Variants in CTSB observed in about 807,000 individuals in gnomAD.
The protein encoded by CTSB is APP secretase.
In CTSB, 57 loss-of-function variants were observed where a neutral mutation model predicts 44.3. That is an observed-to-expected ratio of 1.29 (90% CI 1.04 to 1.60). The LOEUF is 1.60. Among genes scored for constraint, CTSB ranks in the 40% most tolerant of loss-of-function variants. The probability of loss-of-function intolerance (pLI) is 0.00; values close to 1 mark genes in which losing one functional copy is unlikely to be tolerated. For synonymous variants in CTSB, 320 were observed against 168.0 expected, an observed-to-expected ratio of 1.91 and a Z score of -7.00; for missense variants, 768 against 443.0, an observed-to-expected ratio of 1.73 and a Z score of -6.59.
intron 1 of CTSB, among the ~76,000 whole-genome samples, chr8:11,860,653 CA>C (rs367639577): frequency 6.6e-6 from 1 of 152,042 alleles, no homozygotes; most frequent in Non-Finnish European, 1.5e-5. Context: ...AAAACAAAAA[CA>C]AAAGTCAAGT....
At chr8:11,859,783 A>AAG (rs1816106020) in intron 1 of CTSB, among the ~76,000 whole-genome samples, 1 of 148,044 alleles carries the variant, frequency 6.8e-6, no homozygotes, top group Admixed American at 6.8e-5. Flanking sequence ...AAAAAAAAAA[A>AAG]AAAAAAAAAG....
At chr8:11,865,166 C>T (rs959766965) in intron 1 of CTSB, among the ~76,000 whole-genome samples, 3 of 152,300 alleles carry the variant, frequency 2.0e-5, no homozygotes, top group Admixed American at 2.0e-4. Context: ...CAACCATCTC[C>T]CTTTACATGG....
At chr8:11,850,485 T>G (rs1381092369) in intron 4 of CTSB, 2 of 158,260 alleles carry the variant, frequency 1.3e-5, no homozygotes, top group African/African-American at 4.8e-5. Flanking sequence ...ATTATTACAT[T>G]TCTGTTACGT....
chr8:11,860,846 G>C (rs905682392), intron 1 of CTSB, among the ~76,000 whole-genome samples: 3 of 152,178 alleles, frequency 2.0e-5, no homozygotes, highest in African/African-American at 7.2e-5. Context: ...AATAACGGCA[G>C]TTGCTCCTGA....
intron 4 of CTSB, 84 bp downstream of exon 4, chr8:11,850,782 G>A: frequency 3.3e-6 from 3 of 922,080 alleles, no homozygotes; most frequent in Non-Finnish European, 5.0e-6. Context: ...TGTCAGAGTT[G>A]TCCCCACCCC....
chr8:11,857,620 C>T (rs531883139), intron 1 of CTSB, among the ~76,000 whole-genome samples: 174 of 152,294 alleles, frequency 1.1e-3, no homozygotes, highest in African/African-American at 4.0e-3. Context: ...TGGCTCTCAA[C>T]TCCTGGAGGA....
chr8:11,852,792 A>G (rs1293291), intron 2 of CTSB, 97 bp from the exon 3 acceptor site: 707,283 of 1,102,788 alleles, frequency 0.64, 229,617 homozygotes, highest in Middle Eastern at 0.69. Context: ...AAAACCAGAG[A>G]CCCTACCCAA....
In CTSB at chr8:11,845,934, G is replaced by A. The variant is rs1209048291; in HGVS notation, c.794-145C>T. 3 of 907,344 alleles carry A rather than the reference G, an allele frequency of 3.3e-6. No individual in the cohort carries two copies. In the South Asian group the frequency reaches 6.7e-5, roughly 20 times the overall value. The allele number at this position is 907,344 out of a possible 1,614,324, so 56.2% of individuals were successfully genotyped here. ...TGCTCCACCAGGAGGCTCCAGGGGG[G>A]GTCCCACAATACTGGGGAATTAAAT... On this transcript the variant is annotated intron_variant, in intron 8 of 9. Coordinates refer to ENST00000353047, the MANE Select transcript of CTSB (RefSeq NM_001908.5).
chr8:11,852,499 G>A (rs190533078), intron 3 of CTSB, 111 bp downstream of exon 3: 2 of 685,598 alleles, frequency 2.9e-6, no homozygotes, highest in Non-Finnish European at 4.9e-6. Context: ...GGCAGCCCTG[G>A]GCAGCATGAG....
In CTSB at chr8:11,852,641, T is replaced by A. The variant is rs770921694; in HGVS notation, c.181A>T (p.Thr61Ser). 1 of 1,613,840 alleles carries A rather than the reference T, an allele frequency of 6.2e-7. No homozygotes were observed. Among genetic ancestry groups the A allele is most frequent in the Non-Finnish European group, 8.5e-7 (1 of 1,180,004 alleles). Residue 61 changes from threonine to serine, a missense_variant, in exon 3 of 10, where the codon ACC becomes TCC. By Grantham distance (58) the Thr-to-Ser change is moderately conservative. Transcript: ENST00000353047. The part of the protein sequence containing the change: ...DMSYLKRLCG[T>S]FLGGPKPPQR... Reference sequence around the variant, plus strand: ...GGTGGCTTGGGCCCACCCAGGAAGGTACCACATAGCCTCTTCAAGTAGCTC... The same window carrying A: ...GGTGGCTTGGGCCCACCCAGGAAGGAACCACATAGCCTCTTCAAGTAGCTC...
intron 1 of CTSB, chr8:11,854,891 C>G (rs1321224778): frequency 6.6e-6 from 1 of 152,296 alleles, no homozygotes; most frequent in East Asian, 1.9e-4. Context: ...AGAAGCACAT[C>G]CTCCGTGGAG....
chr8:11,867,763 G>A (rs1817382009), intron 1 of CTSB: 2 of 152,262 alleles, frequency 1.3e-5, no homozygotes, highest in African/African-American at 2.4e-5. Flanking sequence ...GCAGAGGGCT[G>A]GCGGGCGGAG....
In CTSB at chr8:11,847,963, G is replaced by A. The variant is rs928868979; in HGVS notation, c.532+104C>T. 1.9e-5 allele frequency: 25 copies of A among 1,331,528 alleles called. No homozygotes were observed. The East Asian group carries it at 2.5e-4, about 13-fold the overall frequency. The allele number at this position is 1,331,528 out of a possible 1,614,324, so 82.5% of individuals were successfully genotyped here. ...TGCACCTGGCTAGCACCTCTCAGCA[G>A]CCCCTCTGTCTCAACCCCCAGTTTA... On this transcript the variant is annotated intron_variant, in intron 6 of 9. Transcript: ENST00000353047.
At chr8:11,848,776 C>G (rs1296442709) in intron 5 of CTSB, 2 of 373,626 alleles carry the variant, frequency 5.4e-6, no homozygotes, top group African/African-American at 4.1e-5. Flanking sequence ...ACAAACCAGA[C>G]CAGGGGCCAG....
intron 4 of CTSB, chr8:11,849,954 C>G (rs1814245074): frequency 6.6e-6 from 1 of 152,238 alleles, no homozygotes; most frequent in African/African-American, 2.4e-5. Context: ...TATGAGGTCC[C>G]TAGGAGTCAA....
At chr8:11,860,866 C>CAAAGTGGTCAACCACAAA (rs1816307555) in intron 1 of CTSB, among the ~76,000 whole-genome samples, 1 of 152,166 alleles carries the variant, frequency 6.6e-6, no homozygotes, top group Non-Finnish European at 1.5e-5. Flanking sequence ...AAGTTTTGAC[C>CAAAGTGGTCAACCACAAA]ACTTAAGTGC....
intron 1 of CTSB, among the ~76,000 whole-genome samples, chr8:11,855,363 C>T (rs1380834708): frequency 6.6e-6 from 1 of 152,170 alleles, no homozygotes; most frequent in African/African-American, 2.4e-5. Flanking sequence ...AATCAATGCC[C>T]TTTGAAAAAC....
In CTSB at chr8:11,843,127, T is replaced by G. The variant is rs1812562636; in HGVS notation, c.*1998A>C. ...CCATGCCCAGCTAATTTTTGTATTT[T>G]TAGTAGAGGTGAGGTTTCAGCATGT... On this transcript the variant is annotated 3_prime_UTR_variant, in exon 10 of 10. Transcript: ENST00000353047. 1 of 151,912 alleles carries G rather than the reference T, an allele frequency of 6.6e-6. No homozygotes were observed. The highest frequency in any genetic ancestry group is 2.1e-4 in the South Asian group (1 of 4,826). The allele number at this position is 151,912 out of a possible 1,614,324, so 9.4% of individuals were successfully genotyped here. A position where few individuals can be genotyped will look rare whatever the true frequency, so the allele number is the denominator to read the frequency against.
intron 4 of CTSB, 161 bp from the exon 5 acceptor site, chr8:11,849,325 T>C (rs35581201): frequency 0.39 from 204,230 of 527,610 alleles, 40,176 homozygotes; most frequent in East Asian, 0.5. Context: ...TTATTTTCTT[T>C]GGTAGAAATG....
Sources: gnomAD v4.1 joint callset for allele counts (sites outside exome capture counted in the v4.1 genomes callset) on GRCh38, gnomAD v4.1.1 for gene constraint, MANE v1.5 for transcripts, NCBI Gene and HGNC (gene_info 2026-07-23, HGNC 2026-07-21) for gene names.